Variants in FURIN observed in about 807,000 individuals in gnomAD.
FURIN encodes furin, paired basic amino acid cleaving enzyme, also known as FES upstream region.
In FURIN, 18 loss-of-function variants were observed where a neutral mutation model predicts 89.2. That is an observed-to-expected ratio of 0.20 (90% confidence interval 0.14 to 0.30). The LOEUF is 0.30. Among genes scored for constraint, FURIN ranks in the 10% least tolerant of loss-of-function variants. The probability of loss-of-function intolerance (pLI) is 1.00; values close to 1 mark genes in which losing one functional copy is unlikely to be tolerated. For synonymous variants in FURIN, 508 were observed against 466.4 expected (o/e 1.09, Z -1.15); for missense variants, 879 against 1,100.5 (o/e 0.80, Z 2.85).
intron 1 of FURIN, among the ~76,000 whole-genome samples, chr15:90,874,295 C>T (rs538397160): frequency 5.3e-5 from 8 of 152,376 alleles, no homozygotes; most frequent in Non-Finnish European, 8.8e-5. Context: ...CTCACCTTGG[C>T]GCTCCTGGCT....
chr15:90,872,251 C>A (rs537410117), intron 1 of FURIN, among the ~76,000 whole-genome samples: 1 of 152,148 alleles, frequency 6.6e-6, no homozygotes, highest in East Asian at 2.0e-4. Flanking sequence ...TGCCTTCTGC[C>A]GCGGCCTGGC....
rs559437250 is a variant in FURIN, at chr15:90,881,129, G to A, written c.1792+89G>A. The A allele has an allele frequency of 3.9e-5, 46 of 1,178,470 alleles. No individual in the cohort carries two copies. The East Asian group carries it at 1.1e-3, about 27-fold the overall frequency. The allele number at this position is 1,178,470 out of a possible 1,614,324, so 73.0% of individuals were successfully genotyped here. On this transcript the variant is annotated intron_variant, in intron 15 of 15. Coordinates refer to ENST00000268171, the MANE Select transcript of FURIN (RefSeq NM_002569.4). This position sits in a 1 kb window ranked among gnomAD's most constrained non-coding sequence, Gnocchi z 4.3. ...TGAAGCCCAGCTCTAACAGAAAAAAGTCTCAAGAGACCTAGGGCCCCTGGG... is the reference window on the plus strand; with the variant it reads ...TGAAGCCCAGCTCTAACAGAAAAAAATCTCAAGAGACCTAGGGCCCCTGGG...
In FURIN at chr15:90,878,936, C is replaced by T. The variant is rs2031786247; in HGVS notation, c.1013C>T (p.Ala338Val). Residue 338 changes from alanine (A) to valine (V), a missense_variant, in exon 9 of 16, where the codon GCC becomes GTC. By Grantham distance (64) the Ala-to-Val change is moderately conservative. Coordinates refer to ENST00000268171, the MANE Select transcript of FURIN (RefSeq NM_002569.4). ...AGCGAGGCCTGCTCGTCCACACTGG[C>T]CACGACCTACAGCAGTGGCAACCAG... is the stretch of plus-strand genomic sequence containing the variant. ...WYSEACSSTLATTYSSGNQNE... is the reference protein window; with the variant it reads ...WYSEACSSTLVTTYSSGNQNE... The T allele has an allele frequency of 6.2e-7, 1 of 1,610,978 alleles. No homozygotes were observed. Among genetic ancestry groups the T allele is most frequent in the Non-Finnish European group, 8.5e-7 (1 of 1,179,326 alleles).
In FURIN at chr15:90,882,035, C is replaced by G; in HGVS notation, c.*157C>G. ...CCTACCCTCGGGCCCACCTGGCCAC[C>G]TGAGGTGGGCCCAGGACCAGCTGGG... On this transcript the variant is annotated 3_prime_UTR_variant, in exon 16 of 16. Transcript: ENST00000268171. The G allele has an allele frequency of 1.6e-6, 1 of 620,692 alleles. No homozygotes were observed. The highest frequency in any genetic ancestry group is 2.0e-5 in the South Asian group (1 of 50,560). 38.4% of individuals were successfully genotyped at this position (620,692 alleles called of 1,614,324 possible). A position where few individuals can be genotyped will look rare whatever the true frequency, so the allele number is the denominator to read the frequency against.
chr15:90,871,382 C>A (rs2031280915), intron 1 of FURIN, among the ~76,000 whole-genome samples: 1 of 151,356 alleles, frequency 6.6e-6, no homozygotes, highest in African/African-American at 2.4e-5. Flanking sequence ...GCCGCGAGGA[C>A]TTTGGGATCG....
chr15:90,879,855 C>G lies in FURIN; in HGVS notation c.1259-12C>G. ...TGCCTGACAGCTGACCCTACCTTCCCTGTCCCCACAGTGAGCCACTCATAT... is the reference window on the plus strand; with the variant it reads ...TGCCTGACAGCTGACCCTACCTTCCGTGTCCCCACAGTGAGCCACTCATAT... On this transcript the variant is annotated splice_polypyrimidine_tract_variant and intron_variant, in intron 11 of 15. Coordinates refer to ENST00000268171, the MANE Select transcript of FURIN (RefSeq NM_002569.4). 1 of 1,611,702 alleles carries G rather than the reference C, an allele frequency of 6.2e-7. No homozygotes were observed. The highest frequency in any genetic ancestry group is 8.5e-7 in the Non-Finnish European group (1 of 1,178,196).
At position 90,881,841 on chromosome 15, in the gene FURIN, A is replaced by G; in HGVS notation, c.2348A>G (p.Glu783Gly). Residue 783 changes from glutamate to glycine, a missense_variant, in exon 16 of 16, where the codon GAG (glutamate) becomes GGG (glycine). Transcript: ENST00000268171. This position sits in a 1 kb window ranked among gnomAD's most constrained non-coding sequence, Gnocchi z 4.3. The part of the protein sequence containing the change: ...SDSEEDEGRG[E>G]RTAFIKDQSA... ...TCAGAAGAGGACGAGGGCCGGGGCG[A>G]GAGGACCGCCTTTATCAAAGACCAG... The G allele has an allele frequency of 6.2e-7, 1 of 1,613,024 alleles. No individual in the cohort carries two copies. Among genetic ancestry groups the G allele is most frequent in the Non-Finnish European group, 8.5e-7 (1 of 1,179,954 alleles).
Position 90,880,823 on chromosome 15 carries a change from G to C in FURIN, c.1681+8G>C. ...GCGAAGCCAACAACTATGGTACTGG[G>C]GGCACTTGAGGGGTAGGGGTACGAG... On this transcript the variant is annotated splice_region_variant and intron_variant, in intron 14 of 15. Coordinates refer to ENST00000268171, the MANE Select transcript of FURIN (RefSeq NM_002569.4). 1 of 1,612,538 alleles carries C rather than the reference G, an allele frequency of 6.2e-7. No homozygotes were observed. Among genetic ancestry groups the C allele is most frequent in the Non-Finnish European group, 8.5e-7 (1 of 1,178,932 alleles).
intron 7 of FURIN, 45 bp downstream of exon 7, chr15:90,877,660 G>A (rs921804188): frequency 2.9e-6 from 4 of 1,378,130 alleles, no homozygotes; most frequent in Non-Finnish European, 4.0e-6. Flanking sequence ...GGGCCCTTCA[G>A]TGGAATTTTT....
rs1408437728 is a variant in FURIN at position 90,875,621 on chromosome 15, G to T, written c.-120G>T. Reference sequence around the variant, plus strand: ...ACCCTCCCGAGCCCTGCCCGTCTCGGCCCCATGCCCCCACCAGTCAGCCCC... The same window carrying T: ...ACCCTCCCGAGCCCTGCCCGTCTCGTCCCCATGCCCCCACCAGTCAGCCCC... On this transcript the variant is annotated 5_prime_UTR_variant, in exon 2 of 16. Coordinates refer to ENST00000268171, the MANE Select transcript of FURIN (RefSeq NM_002569.4). 1.3e-5 allele frequency: 11 copies of T among 849,574 alleles called. No homozygotes were observed. Among genetic ancestry groups the T allele is most frequent in the Non-Finnish European group, 1.2e-5 (7 of 568,002 alleles). The allele number at this position is 849,574 out of a possible 1,614,324, so 52.6% of individuals were successfully genotyped here.
In FURIN at chr15:90,879,744, G is replaced by A. The variant is rs1246714208; in HGVS notation, c.1228G>A (p.Asp410Asn). Residue 410 changes from aspartate (D) to asparagine (N), a missense_variant, in exon 11 of 16, where the codon GAC becomes AAC. Physicochemically the swap from Asp to Asn is conservative, Grantham distance 23. Coordinates refer to ENST00000268171, the MANE Select transcript of FURIN (RefSeq NM_002569.4). ...GAAGCCAGCCCACCTCAATGCCAAC[G>A]ACTGGGCCACCAATGGTGTGGGCCG... ...TSKPAHLNAN[D>N]WATNGVGRKV... 10 of 1,613,698 alleles carry A rather than the reference G, an allele frequency of 6.2e-6. No homozygotes were observed. Among genetic ancestry groups the A allele is most frequent in the East Asian group, 2.2e-5 (1 of 44,896 alleles).
At chr15:90,879,039 C>T in intron 9 of FURIN, 63 bp downstream of exon 9, 1 of 1,106,598 alleles carries the variant, frequency 9.0e-7, no homozygotes. Flanking sequence ...TGTCCAGCAC[C>T]CTCTTTTGGA....
In FURIN at chr15:90,881,920, G is replaced by A. The variant is rs1363605812; in HGVS notation, c.*42G>A. ...CCCCTCAAGCCAATCCCCTCCTTGG[G>A]CACTTTTTAATTCACCAAAGTATTT... On this transcript the variant is annotated 3_prime_UTR_variant, in exon 16 of 16. Coordinates refer to ENST00000268171, the MANE Select transcript of FURIN (RefSeq NM_002569.4). The surrounding 1 kb of genome is among the most constrained non-coding windows in gnomAD (Gnocchi z 4.3). 1.5e-6 allele frequency: 2 copies of A among 1,377,882 alleles called. No individual in the cohort carries two copies. Among genetic ancestry groups the A allele is most frequent in the Non-Finnish European group, 1.0e-6 (1 of 993,174 alleles). The allele number at this position is 1,377,882 out of a possible 1,614,324, so 85.4% of individuals were successfully genotyped here. A position where few individuals can be genotyped will look rare whatever the true frequency, so the allele number is the denominator to read the frequency against.
chr15:90,872,091 C>T (rs1485162151), intron 1 of FURIN, among the ~76,000 whole-genome samples: 1 of 151,380 alleles, frequency 6.6e-6, no homozygotes, highest in East Asian at 2.0e-4. Flanking sequence ...CCGAGGAGGG[C>T]CTGCGTTCCG....
chr15:90,881,077 G>A lies in FURIN; in HGVS notation c.1792+37G>A, dbSNP rs1361605891. On this transcript the variant is annotated intron_variant, in intron 15 of 15. Coordinates refer to ENST00000268171, the MANE Select transcript of FURIN (RefSeq NM_002569.4). The surrounding 1 kb of genome is among the most constrained non-coding windows in gnomAD (Gnocchi z 4.3). ...GTGCTGTTGGGCTTTGGGGGCCTGA[G>A]TCTGGGGGTAAGGCGGGTGCCTGTC... 1 of 1,474,100 alleles carries A rather than the reference G, an allele frequency of 6.8e-7. No individual in the cohort carries two copies. The highest frequency in any genetic ancestry group is 9.5e-7 in the Non-Finnish European group (1 of 1,052,398). The allele number at this position is 1,474,100 out of a possible 1,614,324, so 91.3% of individuals were successfully genotyped here.
chr15:90,871,207 C>A (rs1342386403), intron 1 of FURIN, among the ~76,000 whole-genome samples: 1 of 152,148 alleles, frequency 6.6e-6, no homozygotes, highest in Non-Finnish European at 1.5e-5. Flanking sequence ...GAGGGCCAGT[C>A]CCCCAAGAGT....
intron 1 of FURIN, among the ~76,000 whole-genome samples, chr15:90,873,520 C>T (rs549826004): frequency 6.6e-6 from 1 of 152,172 alleles, no homozygotes; most frequent in East Asian, 1.9e-4. Flanking sequence ...TGCATGACAT[C>T]TGGACCCAAG....
Position 90,882,866 on chromosome 15 carries a change from C to T in FURIN, c.*988C>T, listed in dbSNP as rs756982382. 6.5e-6 allele frequency: 1 copy of T among 152,734 alleles called. No homozygotes were observed. Among genetic ancestry groups the T allele is most frequent in the Non-Finnish European group, 1.5e-5 (1 of 68,192 alleles). 9.5% of individuals were successfully genotyped at this position (152,734 alleles called of 1,614,324 possible). A position where few individuals can be genotyped will look rare whatever the true frequency, so the allele number is the denominator to read the frequency against. ...CACCCACCGTCCGCCCTGCTCCTCCCTGGCTGCCCTGGCCCTGAGGTGTGG... is the reference window on the plus strand; with the variant it reads ...CACCCACCGTCCGCCCTGCTCCTCCTTGGCTGCCCTGGCCCTGAGGTGTGG... On this transcript the variant is annotated 3_prime_UTR_variant, in exon 16 of 16. Coordinates refer to ENST00000268171, the MANE Select transcript of FURIN (RefSeq NM_002569.4).
intron 1 of FURIN, among the ~76,000 whole-genome samples, chr15:90,873,951 CA>C (rs1275106425): frequency 2.0e-5 from 3 of 152,208 alleles, no homozygotes; most frequent in Non-Finnish European, 4.4e-5. Context: ...TCTGGAGAAG[CA>C]AGGAGTTTTC....
Sources: allele counts gnomAD v4.1 joint callset (sites outside exome capture counted in the v4.1 genomes callset), GRCh38; gene constraint gnomAD v4.1.1; non-coding constraint Gnocchi (gnomAD v3.1); transcripts MANE v1.5; gene names NCBI Gene and HGNC (gene_info 2026-07-23, HGNC 2026-07-21).